Variants in MAP7D2 observed in about 807,000 individuals in gnomAD.
MAP7D2 encodes MAP7 domain containing 2.
Under a neutral mutation model 63.5 loss-of-function variants are expected in MAP7D2, and 33 were observed. The observed-to-expected ratio is 0.52, with a 90% CI of 0.39 to 0.70. The LOEUF (loss-of-function observed/expected upper bound fraction) is 0.70. Ranked by LOEUF, MAP7D2 falls within the 30% of genes least tolerant of loss-of-function variation. The pLI is 0.00. For missense variants in MAP7D2, 626 were observed against 604.0 expected (o/e 1.04, Z -0.38); for synonymous variants, 224 against 223.7 (o/e 1.00, Z -0.01).
chrX:20,042,575 A>G lies in MAP7D2; in HGVS notation c.934T>C (p.Phe312Leu), dbSNP rs140590662. 2.9e-4 allele frequency: 346 copies of G among 1,209,991 alleles called. 1 individual carries two copies. The African/African-American group carries it at 5.5e-3, about 19-fold the overall frequency. The change falls in exon 8 of 17, where the codon TTC (phenylalanine) becomes CTC (leucine). Residue 312 changes from phenylalanine to leucine, a missense_variant. By Grantham distance (22) the Phe-to-Leu change is conservative (BLOSUM62 0). Coordinates refer to ENST00000379643, the MANE Select transcript of MAP7D2 (RefSeq NM_001168465.2). The part of the protein sequence containing the change: ...RTATSLPVVN[F>L]GSPLRRCEFS... ...TCACATCTTCTCAGAGGGGACCCGA[A>G]GTTCACAACAGGAAGAGAAGTTGCT... is the stretch of plus-strand genomic sequence containing the variant.
chrX:20,021,579 G>A (rs1430470852), intron 10 of MAP7D2: 2 of 111,345 alleles, frequency 1.8e-5, no homozygotes, highest in Non-Finnish European at 3.8e-5. Context: ...CTCATTTGGG[G>A]TCGAGTGTAT....
Position 20,012,498 on chromosome X carries a change from A to C in MAP7D2, c.1923T>G (p.Gly641=). The C allele has an allele frequency of 8.4e-7, 1 of 1,197,523 alleles. No homozygotes were observed. The highest frequency in any genetic ancestry group is 1.1e-6 in the Non-Finnish European group (1 of 888,634). Residue 641 remains glycine (G), a synonymous_variant, in exon 15 of 17, where the codon GGT becomes GGG. Transcript: ENST00000379643. ...AAGTTTCTGGGGCAGCGTGATCCAC[A>C]CCATTAACTTCCTGGCAGGTGTTCA... ...NGLNTCQEVN[G]VDHAAPETYP...
chrX:20,094,546 A>ATATATATATATATATATG lies in MAP7D2; in HGVS notation c.130+22203_130+22204insCATATATATATATATATA. Among the ~76,000 whole-genome samples, 4 of 8,502 alleles carry ATATATATATATATATATG rather than the reference A, an allele frequency of 4.7e-4. 1 individual carries two copies. The highest frequency in any genetic ancestry group is 7.7e-4 in the Non-Finnish European group (4 of 5,181). 7.4% of individuals were successfully genotyped at this position (8,502 alleles called of 115,157 possible). A position where few individuals can be genotyped will look rare whatever the true frequency, so the allele number is the denominator to read the frequency against. On this transcript the variant is annotated intron_variant, in intron 1 of 16. Coordinates refer to ENST00000379643, the MANE Select transcript of MAP7D2 (RefSeq NM_001168465.2). Reference sequence around the variant, plus strand: ...TATATATATATATATATATATGTATATATATATATATATATATATATACAT... The same window carrying ATATATATATATATATATG: ...TATATATATATATATATATATGTATATATATATATATATATATGTATATATATATATATATATATACAT...
intron 1 of MAP7D2, among the ~76,000 whole-genome samples, chrX:20,100,621 G>A (rs771740808): frequency 9.3e-6 from 1 of 107,013 alleles, no homozygotes; most frequent in Non-Finnish European, 1.9e-5. Context: ...AGCTGGGGGG[G>A]AGGGAGGGGA....
chrX:20,100,960 G>A (rs1262544532), intron 1 of MAP7D2, among the ~76,000 whole-genome samples: 1 of 108,097 alleles, frequency 9.3e-6, no homozygotes, highest in Admixed American at 9.9e-5. Flanking sequence ...GGCGGAGGTT[G>A]CGGTGAGCCG....
chrX:20,020,193 T>A lies in MAP7D2; in HGVS notation c.1413-3868A>T, dbSNP rs762282645. ...CTGCTTAGATGGAAATGCCACCACT[T>A]GTGCTGTGAATTCCACATCCTCCAC... On this transcript the variant is annotated intron_variant, in intron 10 of 16. Coordinates refer to ENST00000379643, the MANE Select transcript of MAP7D2 (RefSeq NM_001168465.2). 4.4e-4 allele frequency among the ~76,000 whole-genome samples: 49 copies of A among 111,701 alleles called. 1 individual carries two copies. In the South Asian group the frequency reaches 0.017, roughly 40 times the overall value.
At chrX:20,087,497 C>T (rs1445258966) in intron 1 of MAP7D2, among the ~76,000 whole-genome samples, 1 of 112,046 alleles carries the variant, frequency 8.9e-6, no homozygotes, top group Admixed American at 9.5e-5. Flanking sequence ...ATGCTTCTTG[C>T]AGTCTGCAGA....
chrX:20,072,370 C>T (rs1249368718), intron 1 of MAP7D2, among the ~76,000 whole-genome samples: 2 of 111,016 alleles, frequency 1.8e-5, no homozygotes, highest in Non-Finnish European at 3.8e-5. Flanking sequence ...CACCCTCAGG[C>T]ACAGGAAACT....
chrX:20,034,655 C>T (rs552561938), intron 8 of MAP7D2, among the ~76,000 whole-genome samples: 8 of 111,674 alleles, frequency 7.2e-5, no homozygotes, highest in Non-Finnish European at 1.3e-4. Context: ...TGAGGACACA[C>T]TGAGAAGATG....
chrX:20,032,335 G>A (rs2074074430), intron 8 of MAP7D2, among the ~76,000 whole-genome samples: 1 of 111,473 alleles, frequency 9.0e-6, no homozygotes, highest in African/African-American at 3.3e-5. Context: ...CAGCAGTTAA[G>A]TCGCCCTTGT....
At chrX:20,116,452 C>T (rs1449948545) in intron 1 of MAP7D2, 3 of 525,435 alleles carry the variant, frequency 5.7e-6, no homozygotes, top group Non-Finnish European at 7.1e-6. Context: ...GGACTGGACC[C>T]GCAGCACCCC....
intron 1 of MAP7D2, among the ~76,000 whole-genome samples, chrX:20,071,521 A>G (rs965457095): frequency 8.9e-6 from 1 of 112,252 alleles, no homozygotes; most frequent in East Asian, 2.8e-4. Flanking sequence ...GTCTGGGGTG[A>G]GCCAGAGAAT....
rs776461652 is a variant in MAP7D2 at position 20,116,833 on chromosome X, C to A, written c.47G>T (p.Gly16Val). 1 of 1,173,494 alleles carries A rather than the reference C, an allele frequency of 8.5e-7. No homozygotes were observed. The highest frequency in any genetic ancestry group is 1.9e-5 in the South Asian group (1 of 52,036). ...TGGGAGAGAGGTTCCCCGCGCAGTC[C>A]CCTCAGGCCGGGATCCCGTCCCGGA... ...GGSGTGSRPE[G>V]TARGTSLPGK... Residue 16 changes from glycine (G) to valine (V), a missense_variant, in exon 1 of 17, where the codon GGG (glycine) becomes GTG (valine). Gly to Val is a moderately radical substitution (Grantham distance 109, BLOSUM62 -3). Transcript: ENST00000379643.
chrX:20,078,276 A>G (rs1603392211), intron 1 of MAP7D2, among the ~76,000 whole-genome samples: 1 of 112,812 alleles, frequency 8.9e-6, no homozygotes, highest in East Asian at 2.8e-4. Context: ...AATATTATTT[A>G]ATGCTCACAA....
chrX:20,100,683 C>T (rs1031716749), intron 1 of MAP7D2, among the ~76,000 whole-genome samples: 2 of 110,369 alleles, frequency 1.8e-5, no homozygotes, highest in South Asian at 3.9e-4. Context: ...GCCTTGAAGA[C>T]GGAGGAAGGG....
chrX:20,093,336 G>A (rs903606427), intron 1 of MAP7D2, among the ~76,000 whole-genome samples: 2 of 111,547 alleles, frequency 1.8e-5, no homozygotes, highest in Non-Finnish European at 3.8e-5. Flanking sequence ...AAGGGTGGTG[G>A]CTTATATTAT....
At position 20,054,202 on chromosome X, in the gene MAP7D2, A is replaced by C. The variant is rs778797107; in HGVS notation, c.485-1214T>G. ...ATAAATTTGATTTGTGTAGAAATAA[A>C]ACTATTTAAAGTTGAAATTATATGA... On this transcript the variant is annotated intron_variant, in intron 4 of 16. Transcript: ENST00000379643. 2.7e-5 allele frequency among the ~76,000 whole-genome samples: 3 copies of C among 112,536 alleles called. No individual in the cohort carries two copies. The East Asian group carries it at 8.3e-4, about 31-fold the overall frequency.
chrX:20,054,255 T>C (rs2065018342), intron 4 of MAP7D2, among the ~76,000 whole-genome samples: 1 of 112,578 alleles, frequency 8.9e-6, no homozygotes, highest in Non-Finnish European at 1.9e-5. Flanking sequence ...AATTTTTCCA[T>C]ATTTTAAACT....
At chrX:20,034,351 A>C (rs2074151152) in intron 8 of MAP7D2, among the ~76,000 whole-genome samples, 1 of 110,155 alleles carries the variant, frequency 9.1e-6, no homozygotes, top group South Asian at 3.9e-4. Context: ...GGAGTGAACA[A>C]AGGGCAAAGT....
Sources: gnomAD v4.1 joint callset for allele counts (sites outside exome capture counted in the v4.1 genomes callset) on GRCh38, gnomAD v4.1.1 for gene constraint, MANE v1.5 for transcripts, NCBI Gene and HGNC (gene_info 2026-07-23, HGNC 2026-07-21) for gene names.